MYO1D: variants seen among roughly 807,000 people sequenced by gnomAD.
MYO1D encodes myosin ID.
In MYO1D, 83 loss-of-function variants were observed where a neutral mutation model predicts 122.0. The ratio of observed to expected loss-of-function variants is 0.68; its 90% CI spans 0.57 to 0.82. The LOEUF is 0.82. Among genes scored for constraint, MYO1D ranks in the 40% least tolerant of loss-of-function variants. The pLI is 0.00. For synonymous variants in MYO1D, 464 were observed against 446.9 expected, an observed-to-expected ratio of 1.04 and a Z score of -0.48; for missense variants, 1,157 against 1,269.5, an observed-to-expected ratio of 0.91 and a Z score of 1.35.
At chr17:32,713,224 A>G (rs1157444358) in intron 15 of MYO1D, among the ~76,000 whole-genome samples, 1 of 152,112 alleles carries the variant, frequency 6.6e-6, no homozygotes, top group Non-Finnish European at 1.5e-5. Flanking sequence ...TTTTTTTGGT[A>G]TATGGTGTGA....
intron 1 of MYO1D, among the ~76,000 whole-genome samples, chr17:32,839,603 G>A (rs997678363): frequency 6.6e-6 from 1 of 152,140 alleles, no homozygotes; most frequent in African/African-American, 2.4e-5. Context: ...CCAGAGAAAG[G>A]CAGAGGATGA....
intron 21 of MYO1D, chr17:32,594,650 G>C (rs2087473970): frequency 1.9e-6 from 1 of 527,450 alleles, no homozygotes; most frequent in Non-Finnish European, 3.4e-6. Flanking sequence ...CTCTCTTACT[G>C]TTAATATCTT....
chr17:32,576,938 C>T (rs1170202435), intron 21 of MYO1D, among the ~76,000 whole-genome samples: 1 of 152,130 alleles, frequency 6.6e-6, no homozygotes, highest in Non-Finnish European at 1.5e-5. Flanking sequence ...CTTTGGCCTC[C>T]CAAAGTGCTA....
At position 32,608,597 on chromosome 17, in the gene MYO1D, T is replaced by C. The variant is rs988044172; in HGVS notation, c.2710-3356A>G. Reference sequence around the variant, plus strand: ...CACTGTGGAAACAGTGGTTGTTAACTCAAAAAATTAAATGGAAAATTACCA... The same window carrying C: ...CACTGTGGAAACAGTGGTTGTTAACCCAAAAAATTAAATGGAAAATTACCA... On this transcript the variant is annotated intron_variant, in intron 20 of 21. Transcript: ENST00000318217. Among the ~76,000 whole-genome samples the C allele has an allele frequency of 3.9e-5, 6 of 152,316 alleles. No homozygotes were observed. The East Asian group carries it at 1.2e-3, about 29-fold the overall frequency.
intron 19 of MYO1D, among the ~76,000 whole-genome samples, 180 bp downstream of exon 19, chr17:32,653,663 A>T (rs551720841): frequency 6.6e-6 from 1 of 151,868 alleles, no homozygotes; most frequent in East Asian, 1.9e-4. Flanking sequence ...TTTATAGCCT[A>T]ACTGTAAAGT....
chr17:32,542,162 T>C (rs192093180), intron 21 of MYO1D, among the ~76,000 whole-genome samples: 9 of 152,292 alleles, frequency 5.9e-5, no homozygotes, highest in African/African-American at 1.9e-4. Context: ...ACCTTTTACA[T>C]TCAGTGACTT....
chr17:32,701,407 T>A (rs1254545092), intron 16 of MYO1D, among the ~76,000 whole-genome samples: 1 of 152,180 alleles, frequency 6.6e-6, no homozygotes, highest in Non-Finnish European at 1.5e-5. Context: ...TTTTATCTTG[T>A]TAGGTAAACA....
intron 12 of MYO1D, among the ~76,000 whole-genome samples, chr17:32,746,322 A>G (rs1567621792): frequency 6.6e-6 from 1 of 152,206 alleles, no homozygotes; most frequent in Non-Finnish European, 1.5e-5. Context: ...CTGTGCTACA[A>G]AAAAGGATAC....
chr17:32,860,120 C>T (rs2091057518), intron 1 of MYO1D, among the ~76,000 whole-genome samples: 1 of 152,158 alleles, frequency 6.6e-6, no homozygotes, highest in Non-Finnish European at 1.5e-5. Context: ...ATTACTGTGC[C>T]TGGGTGAGAT....
intron 19 of MYO1D, among the ~76,000 whole-genome samples, chr17:32,640,159 T>C (rs924975514): frequency 2.6e-5 from 4 of 152,092 alleles, no homozygotes; most frequent in African/African-American, 9.7e-5. Context: ...ACAAAAATGG[T>C]GTCTGTAATT....
chr17:32,776,308 T>C (rs1293156205), intron 3 of MYO1D, among the ~76,000 whole-genome samples: 1 of 152,196 alleles, frequency 6.6e-6, no homozygotes, highest in African/African-American at 2.4e-5. Flanking sequence ...TTAATGAATA[T>C]AAAATCAAGT....
intron 20 of MYO1D, among the ~76,000 whole-genome samples, chr17:32,627,527 T>C (rs1007583991): frequency 2.0e-5 from 3 of 152,204 alleles, no homozygotes; most frequent in Non-Finnish European, 4.4e-5. Flanking sequence ...CAATAAAGCA[T>C]GAAGTCTGGC....
At chr17:32,622,504 G>T (rs1212709236) in intron 20 of MYO1D, among the ~76,000 whole-genome samples, 1 of 152,158 alleles carries the variant, frequency 6.6e-6, no homozygotes, top group African/African-American at 2.4e-5. Flanking sequence ...GGCCTGTGAA[G>T]AAGAATAAAG....
chr17:32,776,986 C>T (rs553742383), intron 3 of MYO1D, among the ~76,000 whole-genome samples: 131 of 152,254 alleles, frequency 8.6e-4, no homozygotes, highest in African/African-American at 3.0e-3. Flanking sequence ...TCAACCTTAT[C>T]GCCTCATAAA....
At chr17:32,503,421 C>T (rs1367341660) in intron 21 of MYO1D, among the ~76,000 whole-genome samples, 1 of 152,202 alleles carries the variant, frequency 6.6e-6, no homozygotes, top group Non-Finnish European at 1.5e-5. Context: ...GTCACTTTTC[C>T]TCTCAATGGC....
At chr17:32,664,612 G>A (rs2088612037) in intron 16 of MYO1D, among the ~76,000 whole-genome samples, 1 of 152,140 alleles carries the variant, frequency 6.6e-6, no homozygotes. Context: ...CACACACTGG[G>A]ACCTGCGAGG....
chr17:32,752,058 T>C (rs1172834349), intron 11 of MYO1D, among the ~76,000 whole-genome samples: 1 of 152,192 alleles, frequency 6.6e-6, no homozygotes, highest in Non-Finnish European at 1.5e-5. Flanking sequence ...CAAGACAGCA[T>C]GGCACTGTTA....
At chr17:32,666,651 G>A (rs763665730) in intron 16 of MYO1D, among the ~76,000 whole-genome samples, 27 of 152,184 alleles carry the variant, frequency 1.8e-4, no homozygotes, top group Admixed American at 7.2e-4. Flanking sequence ...CTTCCGTTTC[G>A]TCTCAGAATC....
Position 32,825,285 on chromosome 17 carries a change from T to G in MYO1D, c.96-44501A>C, listed in dbSNP as rs563114700. ...TTTTTCATTTCTTTTTCTTTTTTCT[T>G]TATCTTATTTTATTTTATTTTTTTG... On this transcript the variant is annotated intron_variant, in intron 1 of 21. Coordinates refer to ENST00000318217, the MANE Select transcript of MYO1D (RefSeq NM_015194.3). 3.9e-5 allele frequency among the ~76,000 whole-genome samples: 6 copies of G among 152,288 alleles called. No homozygotes were observed. In the East Asian group the frequency reaches 9.6e-4, roughly 24 times the overall value.
Sources: gnomAD v4.1 joint callset for allele counts (sites outside exome capture counted in the v4.1 genomes callset) on GRCh38, gnomAD v4.1.1 for gene constraint, MANE v1.5 for transcripts, NCBI Gene and HGNC (gene_info 2026-07-23, HGNC 2026-07-21) for gene names.